LRP6: variants seen among roughly 807,000 people sequenced by gnomAD.
LRP6 encodes the protein low-density lipoprotein receptor-related protein 6.
A neutral mutation model predicts 184.1 loss-of-function variants in LRP6; 43 were observed. That is an observed-to-expected ratio of 0.23 (90% confidence interval 0.18 to 0.30). The LOEUF is 0.30. LRP6 is among the 10% of genes least tolerant of loss of function. LRP6 has a pLI of 1.00. For synonymous variants in LRP6, 719 were observed against 684.9 expected, an observed-to-expected ratio of 1.05 and a Z score of -0.78; for missense variants, 1,571 against 2,005.3, an observed-to-expected ratio of 0.78 and a Z score of 4.14.
At chr12:12,206,638 G>A (rs910484993) in intron 2 of LRP6, among the ~76,000 whole-genome samples, 1 of 151,742 alleles carries the variant, frequency 6.6e-6, no homozygotes, top group Non-Finnish European at 1.5e-5. Flanking sequence ...GCCAGGTACG[G>A]TGACTCATGC....
intron 1 of LRP6, among the ~76,000 whole-genome samples, chr12:12,254,553 C>CA (rs1216841091): frequency 1.3e-5 from 2 of 152,142 alleles, no homozygotes; most frequent in African/African-American, 4.8e-5. Flanking sequence ...CTCCAGAATT[C>CA]AAAAACTCTT....
At chr12:12,235,918 ATAAG>A (rs1277990448) in intron 2 of LRP6, among the ~76,000 whole-genome samples, 1 of 152,042 alleles carries the variant, frequency 6.6e-6, no homozygotes, top group African/African-American at 2.4e-5. Flanking sequence ...CAGAAAGTAA[ATAAG>A]TACTTAAAAA....
intron 2 of LRP6, among the ~76,000 whole-genome samples, chr12:12,219,004 C>T (rs1260074017): frequency 6.6e-6 from 1 of 151,852 alleles, no homozygotes; most frequent in Non-Finnish European, 1.5e-5. Flanking sequence ...TTTGGGAGGC[C>T]GAGGCGGGTG....
chr12:12,259,659 C>A (rs1865563850), intron 1 of LRP6, among the ~76,000 whole-genome samples: 1 of 152,076 alleles, frequency 6.6e-6, no homozygotes, highest in South Asian at 2.1e-4. Context: ...TTAATAATAC[C>A]AAATAACCTT....
chr12:12,259,984 A>C (rs1865571622), intron 1 of LRP6, among the ~76,000 whole-genome samples: 1 of 152,208 alleles, frequency 6.6e-6, no homozygotes, highest in Non-Finnish European at 1.5e-5. Context: ...TATTTTGCCC[A>C]TGCTTAACTC....
At chr12:12,216,858 T>C (rs568987159) in intron 2 of LRP6, among the ~76,000 whole-genome samples, 209 of 77,050 alleles carry the variant, frequency 2.7e-3, no homozygotes, top group Middle Eastern at 0.011. Flanking sequence ...CCCCTGCCCC[T>C]GCAATCTGGG....
chr12:12,244,468 G>A lies in LRP6; in HGVS notation c.243C>T (p.Asn81=), dbSNP rs1865137110. Residue 81 remains asparagine (N), a synonymous_variant, in exon 2 of 23, where the codon AAC becomes AAT. Coordinates refer to ENST00000261349, the MANE Select transcript of LRP6 (RefSeq NM_002336.3). ...CAACATTCTGCACACTCTCAGTTTT[G>A]TTAAATTCTGTTCGTTTAATGGCTT... ...SEEAIKRTEF[N]KTESVQNVVV... 1.2e-6 allele frequency: 2 copies of A among 1,614,132 alleles called. No homozygotes were observed. The highest frequency in any genetic ancestry group is 4.5e-5 in the East Asian group (2 of 44,884).
intron 2 of LRP6, among the ~76,000 whole-genome samples, chr12:12,207,150 T>C (rs939484299): frequency 1.3e-5 from 2 of 152,212 alleles, no homozygotes; most frequent in African/African-American, 4.8e-5. Flanking sequence ...GAGTGGTAGC[T>C]ACCTTTCCCT....
intron 19 of LRP6, among the ~76,000 whole-genome samples, chr12:12,129,616 G>A (rs567108827): frequency 5.3e-4 from 81 of 151,758 alleles, no homozygotes; most frequent in African/African-American, 1.8e-3. Flanking sequence ...ACAATGGCAC[G>A]ATCTCGGCTC....
At position 12,147,371 on chromosome 12, in the gene LRP6, A is replaced by G; in HGVS notation, c.3392T>C (p.Leu1131Pro). 6.2e-7 allele frequency: 1 copy of G among 1,614,178 alleles called. No individual in the cohort carries two copies. The highest frequency in any genetic ancestry group is 8.5e-7 in the Non-Finnish European group (1 of 1,179,982). The change falls in exon 15 of 23, where the codon CTC becomes CCC. Residue 1131 changes from leucine to proline, a missense_variant. Transcript: ENST00000261349. ...SDLRRIESSD[L>P]SGANRIVLED... Reference sequence around the variant, plus strand: ...GAAACATATTTCTTGGGTACCTGAGAGATCACTGCTTTCAATTCGCCGGAG... The same window carrying G: ...GAAACATATTTCTTGGGTACCTGAGGGATCACTGCTTTCAATTCGCCGGAG...
At chr12:12,224,269 T>C (rs1230816467) in intron 2 of LRP6, among the ~76,000 whole-genome samples, 1 of 152,246 alleles carries the variant, frequency 6.6e-6, no homozygotes, top group Non-Finnish European at 1.5e-5. Context: ...GTATGCTTTT[T>C]TCCTGTTTCT....
At chr12:12,196,042 G>C (rs547480526) in intron 3 of LRP6, among the ~76,000 whole-genome samples, 3 of 152,034 alleles carry the variant, frequency 2.0e-5, no homozygotes, top group Non-Finnish European at 4.4e-5. Context: ...CTGTTCCATC[G>C]GTGTATGTTT....
intron 2 of LRP6, among the ~76,000 whole-genome samples, chr12:12,229,277 G>A (rs551587079): frequency 6.6e-6 from 1 of 151,650 alleles, no homozygotes; most frequent in African/African-American, 2.4e-5. Flanking sequence ...GGCTGAGGCA[G>A]GAGAATCGCT....
At chr12:12,193,660 C>A (rs1004510105) in intron 3 of LRP6, among the ~76,000 whole-genome samples, 3 of 151,886 alleles carry the variant, frequency 2.0e-5, no homozygotes, top group Non-Finnish European at 4.4e-5. Context: ...TGGAAAAAAA[C>A]CAAATTACTA....
Position 12,162,416 on chromosome 12 carries a change from T to C in LRP6, c.2056A>G (p.Ile686Val). 1 of 1,612,280 alleles carries C rather than the reference T, an allele frequency of 6.2e-7. No homozygotes were observed. The highest frequency in any genetic ancestry group is 8.5e-7 in the Non-Finnish European group (1 of 1,178,248). ...CTGCCATTCATAAAGGCTCTGCTGA[T>C]GGTCTGCAAAAGAACATTAACAACT... is the stretch of plus-strand genomic sequence containing the variant. ...IYWTDISLKT[I>V]SRAFMNGSAL... The change falls in exon 10 of 23, where the codon ATC becomes GTC. Residue 686 changes from isoleucine to valine, a missense_variant. By Grantham distance (29) the Ile-to-Val change is conservative (BLOSUM62 3). Coordinates refer to ENST00000261349, the MANE Select transcript of LRP6 (RefSeq NM_002336.3).
At position 12,130,777 on chromosome 12, in the gene LRP6, A is replaced by G; in HGVS notation, c.4081+6T>C. ...AGAGTAATTTATAGATCTCAGTCCT[A>G]CTTACAACAATCCAGTTCATCTGAC... On this transcript the variant is annotated splice_donor_region_variant and intron_variant, in intron 19 of 22. Coordinates refer to ENST00000261349, the MANE Select transcript of LRP6 (RefSeq NM_002336.3). 1 of 1,571,840 alleles carries G rather than the reference A, an allele frequency of 6.4e-7. No homozygotes were observed. The highest frequency in any genetic ancestry group is 8.8e-7 in the Non-Finnish European group (1 of 1,141,402).
At chr12:12,206,453 G>GA (rs1176617336) in intron 2 of LRP6, among the ~76,000 whole-genome samples, 1 of 151,508 alleles carries the variant, frequency 6.6e-6, no homozygotes, top group Admixed American at 6.6e-5. Context: ...TGAGGCAGGA[G>GA]AATGGCGTGA....
intron 3 of LRP6, among the ~76,000 whole-genome samples, chr12:12,200,345 G>A (rs1203454642): frequency 2.6e-5 from 4 of 152,120 alleles, no homozygotes; most frequent in Non-Finnish European, 5.9e-5. Context: ...ACAAGCCATG[G>A]TTTCAGCTCT....
intron 15 of LRP6, among the ~76,000 whole-genome samples, chr12:12,139,225 TCAAA>T (rs1949895464): frequency 1.3e-5 from 2 of 152,142 alleles, no homozygotes; most frequent in Non-Finnish European, 1.5e-5. Context: ...ATGAGTTCAG[TCAAA>T]CAAAGACATT....
Sources: allele counts gnomAD v4.1 joint callset (sites outside exome capture counted in the v4.1 genomes callset), GRCh38; gene constraint gnomAD v4.1.1; transcripts MANE v1.5; gene names NCBI Gene and HGNC (gene_info 2026-07-23, HGNC 2026-07-21).